Variants in ESRRG observed in about 807,000 individuals in gnomAD.
ESRRG encodes the protein estrogen-related receptor gamma.
A neutral mutation model predicts 44.0 loss-of-function variants in ESRRG; 13 were observed. The observed-to-expected ratio is 0.30, with a 90% confidence interval of 0.19 to 0.47. The LOEUF (loss-of-function observed/expected upper bound fraction) is 0.47, where lower values mean the gene tolerates loss of function less well. Ranked by LOEUF, ESRRG falls within the 20% of genes least tolerant of loss-of-function variation. The probability of loss-of-function intolerance (pLI) is 1.00; values close to 1 mark genes in which losing one functional copy is unlikely to be tolerated. For synonymous variants in ESRRG, 215 were observed against 214.6 expected, an observed-to-expected ratio of 1.00 and a Z score of -0.02; for missense variants, 395 against 580.6, an observed-to-expected ratio of 0.68 and a Z score of 3.29.
chr1:217,027,293 T>C (rs2081366086), intron 1 of ESRRG, among the ~76,000 whole-genome samples: 1 of 152,106 alleles, frequency 6.6e-6, no homozygotes, highest in South Asian at 2.1e-4. Flanking sequence ...TAGTCACTAA[T>C]CTTCTGCTCA....
At chr1:217,051,804 C>T (rs2086098592) in intron 1 of ESRRG, among the ~76,000 whole-genome samples, 1 of 152,190 alleles carries the variant, frequency 6.6e-6, no homozygotes, top group Non-Finnish European at 1.5e-5. Flanking sequence ...ACTTTGTTGG[C>T]CTGGCTGGAG....
At chr1:217,107,538 A>G (rs2092612180) in intron 1 of ESRRG, among the ~76,000 whole-genome samples, 1 of 152,248 alleles carries the variant, frequency 6.6e-6, no homozygotes, top group Admixed American at 6.5e-5. Flanking sequence ...CAACAGACAT[A>G]GGAAAAGGTA....
intron 1 of ESRRG, among the ~76,000 whole-genome samples, chr1:217,132,718 G>C (rs1336653753): frequency 6.6e-6 from 1 of 152,006 alleles, no homozygotes; most frequent in Admixed American, 6.6e-5. Flanking sequence ...CTCTCTTGTT[G>C]CTTCTTCTTG....
At chr1:216,584,510 C>T (rs2063400354) in intron 3 of ESRRG, among the ~76,000 whole-genome samples, 1 of 152,096 alleles carries the variant, frequency 6.6e-6, no homozygotes, top group Non-Finnish European at 1.5e-5. Context: ...CCCACCTCGG[C>T]CTCCCAAAGT....
intron 3 of ESRRG, among the ~76,000 whole-genome samples, chr1:216,622,609 T>TAC (rs1553429669): frequency 0.053 from 7,923 of 150,894 alleles, 397 homozygotes; most frequent in African/African-American, 0.13. Flanking sequence ...AAATGAAAAT[T>TAC]ACACACACGC....
At chr1:216,551,784 C>T (rs949706614) in intron 5 of ESRRG, among the ~76,000 whole-genome samples, 7 of 152,204 alleles carry the variant, frequency 4.6e-5, no homozygotes, top group East Asian at 1.9e-4. Context: ...GAGAGGCTGA[C>T]GGAGATTTAT....
At position 216,506,342 on chromosome 1, in the gene ESRRG, T is replaced by A. The variant is rs939195616; in HGVS notation, c.*597A>T. On this transcript the variant is annotated 3_prime_UTR_variant, in exon 7 of 7. Transcript: ENST00000408911. ...AGTTCACTGGCATCCATATTATGGA[T>A]CTCCATCCTTTGGCAGGGCTGGCTT... The A allele has an allele frequency of 3.5e-6, 1 of 288,814 alleles. No homozygotes were observed. The highest frequency in any genetic ancestry group is 4.5e-5 in the Admixed American group (1 of 22,174). The allele number at this position is 288,814 out of a possible 1,614,324, so 17.9% of individuals were successfully genotyped here. A position where few individuals can be genotyped will look rare whatever the true frequency, so the allele number is the denominator to read the frequency against.
intron 1 of ESRRG, among the ~76,000 whole-genome samples, chr1:216,970,065 C>T (rs908602850): frequency 9.2e-5 from 14 of 152,094 alleles, no homozygotes; most frequent in African/African-American, 3.4e-4. Context: ...CCCTTCCTCC[C>T]ATCCCAGATT....
chr1:216,969,674 C>T (rs1483189515), intron 1 of ESRRG, among the ~76,000 whole-genome samples: 4 of 152,130 alleles, frequency 2.6e-5, no homozygotes, highest in Non-Finnish European at 5.9e-5. Context: ...CAACCTCCGC[C>T]TCCCTGGTTC....
chr1:216,720,386 T>TA (rs1325416101), intron 1 of ESRRG, among the ~76,000 whole-genome samples: 1 of 151,832 alleles, frequency 6.6e-6, no homozygotes, highest in Non-Finnish European at 1.5e-5. Context: ...GGAAAAAAAA[T>TA]AAAAAACAAA....
At chr1:216,796,464 A>G (rs74141656) in intron 2 of ESRRG, among the ~76,000 whole-genome samples, 1 of 152,148 alleles carries the variant, frequency 6.6e-6, no homozygotes, top group Non-Finnish European at 1.5e-5. Flanking sequence ...GAAAGAACCC[A>G]TTCACAGTTC....
chr1:216,562,847 G>T (rs1282681586), intron 5 of ESRRG, among the ~76,000 whole-genome samples: 1 of 152,044 alleles, frequency 6.6e-6, no homozygotes, highest in Admixed American at 6.6e-5. Context: ...CTTCAATAGT[G>T]CTTTCCTTAC....
chr1:217,122,359 A>C (rs2092830682), intron 1 of ESRRG, among the ~76,000 whole-genome samples: 1 of 152,118 alleles, frequency 6.6e-6, no homozygotes. Flanking sequence ...CTGAAGACAT[A>C]CCTGGATTTG....
chr1:216,519,536 G>T, intron 5 of ESRRG, 115 bp from the exon 6 acceptor site: 1 of 997,246 alleles, frequency 1.0e-6, no homozygotes, highest in Non-Finnish European at 1.4e-6. Context: ...GCTGAGCTTT[G>T]ATTAGAAGCT....
chr1:216,961,804 T>C (rs2069147967), intron 1 of ESRRG, among the ~76,000 whole-genome samples: 1 of 152,168 alleles, frequency 6.6e-6, no homozygotes, highest in African/African-American at 2.4e-5. Flanking sequence ...GTTTTTTAAT[T>C]CAATTGAACG....
chr1:217,109,681 C>A (rs1306355162), intron 1 of ESRRG, among the ~76,000 whole-genome samples: 1 of 152,154 alleles, frequency 6.6e-6, no homozygotes, highest in Non-Finnish European at 1.5e-5. Flanking sequence ...ACCTGCCCCA[C>A]CTGCTCTCCT....
At position 216,879,484 on chromosome 1, in the gene ESRRG, CAAAAAAAAAAAA is replaced by C. The variant is rs755104959; in HGVS notation, c.-14+60086_-14+60097del. 1.7e-4 allele frequency among the ~76,000 whole-genome samples: 15 copies of C among 89,432 alleles called. No individual in the cohort carries two copies. The South Asian group carries it at 5.7e-3, about 34-fold the overall frequency. The allele number at this position is 89,432 out of a possible 152,430, so 58.7% of individuals were successfully genotyped here. ...ACTCTTGAGGGGAAAAAAAGGCCAC[CAAAAAAAAAAAA>C]AAAAAAAAAGAAGAAGAAGAAAAAG... On this transcript the variant is annotated intron_variant, in intron 2 of 7. Coordinates refer to the ESRRG transcript ENST00000359162.
chr1:216,633,453 T>C (rs142918778), intron 3 of ESRRG, among the ~76,000 whole-genome samples: 17 of 152,310 alleles, frequency 1.1e-4, no homozygotes, highest in African/African-American at 3.4e-4. Context: ...ACACAATGAA[T>C]AAACTGTCAA....
intron 1 of ESRRG, among the ~76,000 whole-genome samples, chr1:217,025,510 C>T (rs1221453084): frequency 6.6e-6 from 1 of 152,240 alleles, no homozygotes; most frequent in East Asian, 1.9e-4. Context: ...AACTCTTTTT[C>T]AAAGACAGTG....
Sources: allele counts gnomAD v4.1 joint callset (sites outside exome capture counted in the v4.1 genomes callset), GRCh38; gene constraint gnomAD v4.1.1; transcripts MANE v1.5; gene names NCBI Gene and HGNC (gene_info 2026-07-23, HGNC 2026-07-21).